The following CDC73 variants were observed in gnomAD, a reference collection of about 807,000 sequenced individuals.
CDC73 encodes cell division cycle 73, also known as parafibromin.
CDC73 carries 21 observed loss-of-function variants against 83.7 expected under a neutral mutation model. The observed-to-expected ratio is 0.25, with a 90% CI of 0.18 to 0.36. CDC73 has a LOEUF of 0.36. Among genes scored for constraint, CDC73 ranks in the 10% least tolerant of loss-of-function variants. CDC73 has a pLI of 1.00. For synonymous variants in CDC73, 224 were observed against 212.9 expected, an observed-to-expected ratio of 1.05 and a Z score of -0.45; for missense variants, 342 against 653.3, an observed-to-expected ratio of 0.52 and a Z score of 5.19.
At chr1:193,205,298 T>C (rs1677170321) in intron 11 of CDC73, among the ~76,000 whole-genome samples, 1 of 141,814 alleles carries the variant, frequency 7.1e-6, no homozygotes, top group African/African-American at 2.7e-5. Context: ...CTTAACTGAA[T>C]CTTCTGCATG....
rs1678049080 is a variant in CDC73, at chr1:193,251,875, A to AAG, written c.*1163_*1164insAG. 4.3e-6 allele frequency: 1 copy of AAG among 231,412 alleles called. No individual in the cohort carries two copies. Among genetic ancestry groups the AAG allele is most frequent in the Non-Finnish European group, 8.5e-6 (1 of 117,034 alleles). The allele number at this position is 231,412 out of a possible 1,614,324, so 14.3% of individuals were successfully genotyped here. A position where few individuals can be genotyped will look rare whatever the true frequency, so the allele number is the denominator to read the frequency against. On this transcript the variant is annotated 3_prime_UTR_variant, in exon 17 of 17. Coordinates refer to ENST00000367435, the MANE Select transcript of CDC73 (RefSeq NM_024529.5). ...TTTTTTTCCTTAAAGGCAACTAGGA[A>AAG]GCTTTACTTTCCTAAAGTGTTTTTG...
At chr1:193,173,276 T>C (rs1178027137) in intron 10 of CDC73, among the ~76,000 whole-genome samples, 4 of 152,322 alleles carry the variant, frequency 2.6e-5, no homozygotes, top group Non-Finnish European at 5.9e-5. Flanking sequence ...CTAACGTAAA[T>C]ATAATGAGAG....
rs1675671347 is a variant in CDC73, at chr1:193,130,236, T to C, written c.300T>C (p.Gly100=). The change falls in exon 3 of 17, where the codon GGT becomes GGC. Residue 100 remains glycine, a synonymous_variant. Coordinates refer to ENST00000367435, the MANE Select transcript of CDC73 (RefSeq NM_024529.5). The stretch of plus-strand genomic sequence containing the variant: ...AAGATCTACTTGGATATCTCAATGG[T>C]GAAGCGTGTGAGTACTTTTTAAATT... ...DRKDLLGYLN[G]EASTSASIDR... 6.4e-7 allele frequency: 1 copy of C among 1,566,270 alleles called. No homozygotes were observed. Among genetic ancestry groups the C allele is most frequent in the Non-Finnish European group, 8.8e-7 (1 of 1,136,876 alleles).
chr1:193,201,165 G>A (rs1677084865), intron 10 of CDC73, among the ~76,000 whole-genome samples: 1 of 152,056 alleles, frequency 6.6e-6, no homozygotes, highest in South Asian at 2.1e-4. Context: ...TTTTCAGTAA[G>A]CCTTGAGAAG....
At position 193,211,655 on chromosome 1, in the gene CDC73, T is replaced by A. The variant is rs78126862; in HGVS notation, c.1031-410T>A. ...CTGAGTGACTAAAGGGTGGGTAGTG[T>A]ATAGAATGTGGATATGCTGGACAAA... On this transcript the variant is annotated intron_variant, in intron 11 of 16. Coordinates refer to ENST00000367435, the MANE Select transcript of CDC73 (RefSeq NM_024529.5). 5.5e-4 allele frequency among the ~76,000 whole-genome samples: 84 copies of A among 152,306 alleles called. 1 individual carries two copies. Among genetic ancestry groups the A allele is most frequent in the African/African-American group, 1.9e-3 (79 of 41,570 alleles).
At chr1:193,212,234 C>T in intron 12 of CDC73, 134 bp downstream of exon 12, 1 of 837,290 alleles carries the variant, frequency 1.2e-6, no homozygotes. Flanking sequence ...GTGCCCAAGC[C>T]ACACTGATTA....
At chr1:193,160,538 T>A (rs780643490) in intron 10 of CDC73, among the ~76,000 whole-genome samples, 6 of 152,096 alleles carry the variant, frequency 3.9e-5, no homozygotes, top group Admixed American at 6.5e-5. Flanking sequence ...TTTAGTTTTC[T>A]TTCAGCTTAA....
intron 13 of CDC73, among the ~76,000 whole-genome samples, chr1:193,220,819 G>A (rs1677456762): frequency 6.6e-6 from 1 of 152,102 alleles, no homozygotes; most frequent in Non-Finnish European, 1.5e-5. Flanking sequence ...TTACAATTGT[G>A]TGAACAAGAT....
chr1:193,199,615 A>G (rs1677056329), intron 10 of CDC73, among the ~76,000 whole-genome samples: 1 of 151,294 alleles, frequency 6.6e-6, no homozygotes, highest in Admixed American at 6.6e-5. Context: ...TGAGTGGCTC[A>G]AGCAGGAGAC....
rs967970230 is a variant in CDC73 at position 193,253,171 on chromosome 1, C to G, written c.*2459C>G. Reference sequence around the variant, plus strand: ...TTCAATCAGTTGCTCTCAACCCTGACTGCATTTTAGAATCATTTGGAGAGT... The same window carrying G: ...TTCAATCAGTTGCTCTCAACCCTGAGTGCATTTTAGAATCATTTGGAGAGT... On this transcript the variant is annotated 3_prime_UTR_variant, in exon 17 of 17. Coordinates refer to ENST00000367435, the MANE Select transcript of CDC73 (RefSeq NM_024529.5). The G allele has an allele frequency of 8.6e-6, 2 of 232,298 alleles. No homozygotes were observed. Among genetic ancestry groups the G allele is most frequent in the African/African-American group, 4.4e-5 (2 of 45,304 alleles). 14.4% of individuals were successfully genotyped at this position (232,298 alleles called of 1,614,324 possible).
rs1360723768 is a variant in CDC73, at chr1:193,253,369, C to A, written c.*2657C>A. 4.3e-6 allele frequency: 1 copy of A among 231,624 alleles called. No homozygotes were observed. The highest frequency in any genetic ancestry group is 5.7e-5 in the Admixed American group (1 of 17,632). 14.3% of individuals were successfully genotyped at this position (231,624 alleles called of 1,614,324 possible). ...ACAGTACCAGTATTAAATGTGTTTCCTCTTCCTTCTTTTCTGTATGTATGT... is the reference window on the plus strand; with the variant it reads ...ACAGTACCAGTATTAAATGTGTTTCATCTTCCTTCTTTTCTGTATGTATGT... On this transcript the variant is annotated 3_prime_UTR_variant, in exon 17 of 17. Coordinates refer to ENST00000367435, the MANE Select transcript of CDC73 (RefSeq NM_024529.5).
intron 11 of CDC73, among the ~76,000 whole-genome samples, chr1:193,210,934 T>C (rs1052347238): frequency 1.4e-4 from 22 of 152,244 alleles, no homozygotes; most frequent in Non-Finnish European, 2.8e-4. Flanking sequence ...ATAACTTCTT[T>C]CCTTTTCTTC....
At chr1:193,124,621 A>G (rs963022461) in intron 1 of CDC73, among the ~76,000 whole-genome samples, 3 of 152,208 alleles carry the variant, frequency 2.0e-5, no homozygotes, top group African/African-American at 7.2e-5. Context: ...GTCTAATTTG[A>G]GGGATGCCAT....
At chr1:193,246,749 T>C (rs1677961501) in intron 15 of CDC73, among the ~76,000 whole-genome samples, 1 of 152,174 alleles carries the variant, frequency 6.6e-6, no homozygotes, top group Non-Finnish European at 1.5e-5. Context: ...CTATAATTAT[T>C]CTCTACTAAA....
chr1:193,208,143 T>C (rs2103181871), intron 11 of CDC73, among the ~76,000 whole-genome samples: 1 of 152,342 alleles, frequency 6.6e-6, no homozygotes. Flanking sequence ...TTGGAAGTTA[T>C]TCTTTATTCA....
intron 10 of CDC73, among the ~76,000 whole-genome samples, chr1:193,158,445 T>A (rs1470811024): frequency 6.6e-6 from 1 of 151,878 alleles, no homozygotes; most frequent in Non-Finnish European, 1.5e-5. Flanking sequence ...GAGGGTAGCT[T>A]GAGGCCAGGA....
chr1:193,182,451 T>C (rs964588874), intron 10 of CDC73, among the ~76,000 whole-genome samples: 4 of 152,176 alleles, frequency 2.6e-5, no homozygotes, highest in African/African-American at 9.6e-5. Context: ...CAGAACACTG[T>C]TACATATCTT....
chr1:193,213,288 A>T (rs1287156983), intron 13 of CDC73, among the ~76,000 whole-genome samples: 1 of 152,176 alleles, frequency 6.6e-6, no homozygotes, highest in Admixed American at 6.5e-5. Context: ...AACAAGGTTT[A>T]AAATGAGCCA....
intron 10 of CDC73, chr1:193,179,220 C>G (rs1676666098): frequency 6.6e-6 from 1 of 152,124 alleles, no homozygotes. Flanking sequence ...TGCAGGTTTG[C>G]AAACTTGGCA....
Sources: allele counts gnomAD v4.1 joint callset (sites outside exome capture counted in the v4.1 genomes callset), GRCh38; gene constraint gnomAD v4.1.1; transcripts MANE v1.5; gene names NCBI Gene and HGNC (gene_info 2026-07-23, HGNC 2026-07-21).